Variants in SPMAP2L observed in about 807,000 individuals in gnomAD.
The protein encoded by SPMAP2L is sperm microtubule associated protein 2-like.
At chr4:56,560,079 A>T in the SPMAP2L span, among the ~76,000 whole-genome samples, 141,818 of 152,202 alleles carry the variant, frequency 0.93, 66,175 homozygotes, top group Admixed American at 0.95. Flanking sequence ...GATTAAAAAA[A>T]ATAAAGTGAA....
chr4:56,593,343 A>G, the SPMAP2L span: 3 of 1,151,416 alleles, frequency 2.6e-6, no homozygotes, highest in Non-Finnish European at 4.0e-6. Flanking sequence ...CACAGACAAT[A>G]GCTGTTGTCC....
chr4:56,573,967 A>G, the SPMAP2L span, among the ~76,000 whole-genome samples: 17 of 152,356 alleles, frequency 1.1e-4, no homozygotes, highest in East Asian at 1.5e-3. Flanking sequence ...GCAGATCTGT[A>G]TCTGTGAACG....
chr4:56,530,800 ACT>A, the SPMAP2L span: 2 of 1,535,264 alleles, frequency 1.3e-6, no homozygotes, highest in South Asian at 1.2e-5. Context: ...GATTCTCGAC[ACT>A]CACAGAGAGC....
At chr4:56,598,239 A>G in the SPMAP2L span, among the ~76,000 whole-genome samples, 7 of 152,346 alleles carry the variant, frequency 4.6e-5, no homozygotes, top group Non-Finnish European at 8.8e-5. Flanking sequence ...ATAAAGCAAC[A>G]TAACAGAAAG....
the SPMAP2L span, among the ~76,000 whole-genome samples, chr4:56,588,432 A>AT: frequency 0.016 from 2,231 of 142,504 alleles, 48 homozygotes; most frequent in South Asian, 0.086. Flanking sequence ...ATCTTCCAGA[A>AT]TTTTTTTTTT....
chr4:56,548,352 C>T, the SPMAP2L span, among the ~76,000 whole-genome samples: 1 of 152,044 alleles, frequency 6.6e-6, no homozygotes, highest in South Asian at 2.1e-4. Flanking sequence ...AATTTTGACA[C>T]TTACCTTAGT....
the SPMAP2L span, among the ~76,000 whole-genome samples, chr4:56,597,874 T>C: frequency 2.6e-5 from 4 of 152,098 alleles, no homozygotes; most frequent in Non-Finnish European, 4.4e-5. Flanking sequence ...TGGTGGTGTT[T>C]TTTTTTTAGA....
the SPMAP2L span, among the ~76,000 whole-genome samples, chr4:56,585,858 ATGC>A: frequency 1.3e-5 from 2 of 152,164 alleles, no homozygotes; most frequent in African/African-American, 4.8e-5. Context: ...AGGATCATTA[ATGC>A]CTTTAAATCT....
At chr4:56,539,461 G>C in the SPMAP2L span, among the ~76,000 whole-genome samples, 1 of 151,910 alleles carries the variant, frequency 6.6e-6, no homozygotes, top group African/African-American at 2.4e-5. Flanking sequence ...TGCTCTTGTT[G>C]CCAAGGCTGG....
the SPMAP2L span, among the ~76,000 whole-genome samples, chr4:56,624,833 C>G: frequency 6.6e-6 from 1 of 152,194 alleles, no homozygotes; most frequent in Non-Finnish European, 1.5e-5. Flanking sequence ...AGAACCTCTT[C>G]TAGGGCAGTG....
At chr4:56,593,299 A>G in the SPMAP2L span, 5 of 1,180,374 alleles carry the variant, frequency 4.2e-6, no homozygotes, top group South Asian at 1.2e-5. Context: ...CAGACACAAG[A>G]GGAGGAAATT....
At chr4:56,541,715 TA>T in the SPMAP2L span, among the ~76,000 whole-genome samples, 2 of 152,212 alleles carry the variant, frequency 1.3e-5, no homozygotes, top group Non-Finnish European at 2.9e-5. Context: ...ATTTTACCCA[TA>T]AATACCTCAG....
chr4:56,556,427 G>T, the SPMAP2L span, among the ~76,000 whole-genome samples: 2 of 152,184 alleles, frequency 1.3e-5, no homozygotes, highest in Non-Finnish European at 2.9e-5. Context: ...AAATACAAGA[G>T]GGGGATAGGT....
the SPMAP2L span, among the ~76,000 whole-genome samples, chr4:56,532,644 T>A: frequency 6.6e-6 from 1 of 152,208 alleles, no homozygotes; most frequent in Non-Finnish European, 1.5e-5. Flanking sequence ...CTATACTCAC[T>A]GACTCAATTT....
At chr4:56,603,220 G>A in the SPMAP2L span, 17 of 1,530,390 alleles carry the variant, frequency 1.1e-5, no homozygotes, top group South Asian at 3.6e-5. Context: ...GCTCCTGTGC[G>A]TATTGTGTAT....
the SPMAP2L span, among the ~76,000 whole-genome samples, chr4:56,562,355 T>TA: frequency 3.3e-3 from 475 of 145,086 alleles, 11 homozygotes; most frequent in Admixed American, 0.029. Context: ...TTTTGCCCTT[T>TA]AAAAAAAAAA....
chr4:56,531,257 C>A, the SPMAP2L span: 1,358 of 1,431,968 alleles, frequency 9.5e-4, 12 homozygotes, highest in African/African-American at 0.016. Context: ...CATCTAGAAC[C>A]GGGGGTCCTA....
At chr4:56,567,456 T>G in the SPMAP2L span, among the ~76,000 whole-genome samples, 2 of 142,166 alleles carry the variant, frequency 1.4e-5, no homozygotes, top group East Asian at 2.1e-4. Context: ...TTTTTTTTTT[T>G]TTTTTTTTTT....
chr4:56,556,038 G>T, the SPMAP2L span, among the ~76,000 whole-genome samples: 1 of 152,144 alleles, frequency 6.6e-6, no homozygotes, highest in Non-Finnish European at 1.5e-5. Flanking sequence ...GACATTATTT[G>T]ATTAGGGAGT....
Sources: gnomAD v4.1 joint callset for allele counts (sites outside exome capture counted in the v4.1 genomes callset) on GRCh38, gnomAD v4.1.1 for gene constraint, MANE v1.5 for transcripts, NCBI Gene and HGNC (gene_info 2026-07-23, HGNC 2026-07-21) for gene names.